DAB1: variants seen among roughly 807,000 people sequenced by gnomAD.
DAB1 encodes the protein disabled homolog 1.
DAB1 carries 15 observed loss-of-function variants against 64.6 expected under a neutral mutation model. The ratio of observed to expected loss-of-function variants is 0.23; its 90% CI spans 0.16 to 0.36. The LOEUF (loss-of-function observed/expected upper bound fraction) is 0.36, where lower values mean the gene tolerates loss of function less well. DAB1 is among the 10% of genes least tolerant of loss of function. The pLI, the probability that DAB1 is intolerant of heterozygous loss-of-function variation, is 1.00. For synonymous variants in DAB1, 235 were observed against 251.9 expected (o/e 0.93, Z 0.64); for missense variants, 596 against 706.7 (o/e 0.84, Z 1.78).
rs1454105529 is a variant in DAB1, at chr1:58,533,796, C to T, written n.33-6461G>A. 6.7e-6 allele frequency: 4 copies of T among 596,636 alleles called. No homozygotes were observed. In the Admixed American group the frequency reaches 1.3e-4, roughly 19 times the overall value. The allele number at this position is 596,636 out of a possible 1,614,324, so 37.0% of individuals were successfully genotyped here. On this transcript the variant is annotated intron_variant and non_coding_transcript_variant, in intron 1 of 20. Coordinates refer to the DAB1 transcript ENST00000485760. ...GACCATAAAAATTCTCAAAATTAGC[C>T]AATCACGTTTTTTTCAGGTAGCAGA...
intron 4 of DAB1, among the ~76,000 whole-genome samples, chr1:57,123,376 T>C (rs1656839193): frequency 6.6e-6 from 1 of 152,168 alleles, no homozygotes; most frequent in Non-Finnish European, 1.5e-5. Context: ...TGCTGCCCTA[T>C]AGTGACCATT....
chr1:57,635,911 C>T (rs957922666), intron 7 of DAB1, among the ~76,000 whole-genome samples: 4 of 151,626 alleles, frequency 2.6e-5, no homozygotes, highest in Non-Finnish European at 4.4e-5. Context: ...CTGGCTAATA[C>T]GGTGAAACCC....
chr1:58,421,996 G>A (rs542825948), intron 3 of DAB1, among the ~76,000 whole-genome samples: 39 of 143,862 alleles, frequency 2.7e-4, no homozygotes, highest in Non-Finnish European at 2.3e-4. Flanking sequence ...TTAAGTAGAC[G>A]TCAAAAAAAA....
chr1:57,332,317 T>C (rs1380663477), intron 1 of DAB1, among the ~76,000 whole-genome samples: 2 of 152,100 alleles, frequency 1.3e-5, no homozygotes. Flanking sequence ...AGGCCACTCA[T>C]TGAGGTCTCT....
chr1:58,237,224 G>A (rs1660081743), intron 4 of DAB1, among the ~76,000 whole-genome samples: 1 of 152,184 alleles, frequency 6.6e-6, no homozygotes, highest in Non-Finnish European at 1.5e-5. Flanking sequence ...TGAATTGAAT[G>A]TAGTGAAATA....
chr1:57,174,021 T>A lies in DAB1; in HGVS notation c.68-28592A>T, dbSNP rs376858736. ...TTATGCTTGGTTACTTCTGCAAGCA[T>A]CCTCTTGCCTGGCAGGAAACAGCTA... On this transcript the variant is annotated intron_variant, in intron 2 of 14. Coordinates refer to ENST00000371236, the MANE Select transcript of DAB1 (RefSeq NM_001365792.1). Among the ~76,000 whole-genome samples, 45 of 152,318 alleles carry A rather than the reference T, an allele frequency of 3.0e-4. 1 individual carries two copies. The South Asian group carries it at 8.1e-3, about 27-fold the overall frequency.
At chr1:58,319,146 G>A (rs1242155692) in intron 4 of DAB1, among the ~76,000 whole-genome samples, 1 of 152,056 alleles carries the variant, frequency 6.6e-6, no homozygotes. Flanking sequence ...GGGGCTGGGG[G>A]CAGGGAAAGA....
At chr1:57,680,625 C>T in intron 6 of DAB1, among the ~76,000 whole-genome samples, 1 of 152,176 alleles carries the variant, frequency 6.6e-6, no homozygotes, top group East Asian at 1.9e-4. Context: ...CCATATTATG[C>T]TCCCCTCTTC....
chr1:57,798,838 G>A (rs1650992784), intron 6 of DAB1, among the ~76,000 whole-genome samples: 1 of 152,182 alleles, frequency 6.6e-6, no homozygotes, highest in Non-Finnish European at 1.5e-5. Flanking sequence ...TGTTATCATT[G>A]AGTTTGACAG....
At chr1:58,135,485 A>G (rs1653891551) in intron 5 of DAB1, among the ~76,000 whole-genome samples, 1 of 151,908 alleles carries the variant, frequency 6.6e-6, no homozygotes, top group South Asian at 2.1e-4. Context: ...ATTTTTGTGA[A>G]ATTTATAATT....
intron 5 of DAB1, among the ~76,000 whole-genome samples, chr1:57,969,490 G>C (rs1205817056): frequency 6.6e-6 from 1 of 151,992 alleles, no homozygotes; most frequent in East Asian, 1.9e-4. Flanking sequence ...TGTATGTTTT[G>C]ATGTAATGTT....
At chr1:57,417,423 C>T (rs1008765673) in intron 1 of DAB1, among the ~76,000 whole-genome samples, 70 of 152,222 alleles carry the variant, frequency 4.6e-4, no homozygotes, top group African/African-American at 1.6e-3. Flanking sequence ...ATATTATTTT[C>T]ATGATAGAAT....
intron 7 of DAB1, among the ~76,000 whole-genome samples, chr1:57,541,642 GAAGATGTA>G (rs1644804683): frequency 6.6e-6 from 1 of 152,166 alleles, no homozygotes; most frequent in Non-Finnish European, 1.5e-5. Context: ...ATCAGGGAAA[GAAGATGTA>G]ACAAAATGGG....
intron 7 of DAB1, among the ~76,000 whole-genome samples, chr1:57,567,900 T>A (rs1645143153): frequency 6.6e-6 from 1 of 152,186 alleles, no homozygotes; most frequent in Admixed American, 6.5e-5. Flanking sequence ...ACAAATGACT[T>A]TCTTCACAGA....
At chr1:58,385,098 C>A (rs1397664851) in intron 3 of DAB1, among the ~76,000 whole-genome samples, 1 of 152,132 alleles carries the variant, frequency 6.6e-6, no homozygotes, top group Non-Finnish European at 1.5e-5. Flanking sequence ...AAAACAAGCA[C>A]ACAAACAACA....
At position 58,073,839 on chromosome 1, in the gene DAB1, G is replaced by C. The variant is rs377247955; in HGVS notation, n.387+76672C>G. ...ACTTACGAAGGTATAATTAGAGGAA[G>C]GTGGGAAATTAGTTCAGAAGGTGAA... On this transcript the variant is annotated intron_variant and non_coding_transcript_variant, in intron 5 of 20. Coordinates refer to the DAB1 transcript ENST00000485760. Among the ~76,000 whole-genome samples the C allele has an allele frequency of 1.1e-3, 174 of 152,268 alleles. 1 individual carries two copies. The highest frequency in any genetic ancestry group is 4.0e-3 in the African/African-American group (167 of 41,544).
At chr1:57,912,699 G>A (rs1234258739) in intron 5 of DAB1, among the ~76,000 whole-genome samples, 8 of 152,090 alleles carry the variant, frequency 5.3e-5, no homozygotes, top group Admixed American at 2.0e-4. Flanking sequence ...AAGCCCCATC[G>A]TCTCGGCCCA....
intron 2 of DAB1, among the ~76,000 whole-genome samples, chr1:57,198,453 A>G (rs1040430856): frequency 2.0e-5 from 3 of 152,086 alleles, no homozygotes; most frequent in Non-Finnish European, 4.4e-5. Context: ...CCCAAGCCCC[A>G]GGGCCCTAAG....
At chr1:58,356,751 TG>T in intron 3 of DAB1, among the ~76,000 whole-genome samples, 1 of 152,234 alleles carries the variant, frequency 6.6e-6, no homozygotes, top group Admixed American at 6.5e-5. Context: ...CTGGGTGCTG[TG>T]GCTCATGTCT....
Sources: gnomAD v4.1 joint callset for allele counts (sites outside exome capture counted in the v4.1 genomes callset) on GRCh38, gnomAD v4.1.1 for gene constraint, MANE v1.5 for transcripts, NCBI Gene and HGNC (gene_info 2026-07-23, HGNC 2026-07-21) for gene names.